Variants in KCNIP4 observed in about 807,000 individuals in gnomAD.
The protein encoded by KCNIP4 is Kv channel-interacting protein 4.
Under a neutral mutation model 34.0 loss-of-function variants are expected in KCNIP4, and 12 were observed. The ratio of observed to expected loss-of-function variants is 0.35; its 90% CI spans 0.23 to 0.57. The LOEUF is 0.57. Ranked by LOEUF, KCNIP4 falls within the 20% of genes least tolerant of loss-of-function variation. The pLI, the probability that KCNIP4 is intolerant of heterozygous loss-of-function variation, is 0.83. For synonymous variants in KCNIP4, 124 were observed against 102.2 expected (o/e 1.21, Z -1.29); for missense variants, 238 against 311.7 (o/e 0.76, Z 1.78).
chr4:21,023,682 T>C (rs1740270760), intron 1 of KCNIP4, among the ~76,000 whole-genome samples: 1 of 151,852 alleles, frequency 6.6e-6, no homozygotes, highest in African/African-American at 2.4e-5. Context: ...GGCAGGAGGA[T>C]TACTTGAGGC....
intron 3 of KCNIP4, among the ~76,000 whole-genome samples, chr4:20,849,440 A>G (rs2149481642): frequency 6.6e-6 from 1 of 152,304 alleles, no homozygotes; most frequent in East Asian, 1.9e-4. Context: ...CTGCAGTGTC[A>G]ACTACCGGTA....
At chr4:20,783,986 C>T (rs975215757) in intron 3 of KCNIP4, among the ~76,000 whole-genome samples, 1 of 152,116 alleles carries the variant, frequency 6.6e-6, no homozygotes, top group Non-Finnish European at 1.5e-5. Flanking sequence ...GGCCTGGTTC[C>T]TGCCCCTACC....
At chr4:21,381,817 A>T (rs1470575666) in intron 1 of KCNIP4, among the ~76,000 whole-genome samples, 1 of 152,130 alleles carries the variant, frequency 6.6e-6, no homozygotes, top group African/African-American at 2.4e-5. Context: ...TTCATTGAGG[A>T]GGAGTAAGTA....
chr4:21,513,027 G>GCT (rs1482310126), intron 1 of KCNIP4, among the ~76,000 whole-genome samples: 1 of 152,130 alleles, frequency 6.6e-6, no homozygotes, highest in Non-Finnish European at 1.5e-5. Flanking sequence ...GATAAATGCT[G>GCT]TTACATTGTT....
At chr4:21,186,905 G>T (rs1242677967) in intron 1 of KCNIP4, among the ~76,000 whole-genome samples, 1 of 152,262 alleles carries the variant, frequency 6.6e-6, no homozygotes. Context: ...ATCCCAAAGT[G>T]CTGGGATCAC....
intron 1 of KCNIP4, among the ~76,000 whole-genome samples, chr4:21,690,107 T>C (rs1314800727): frequency 6.8e-6 from 1 of 147,356 alleles, no homozygotes; most frequent in Non-Finnish European, 1.5e-5. Flanking sequence ...TGTATATATA[T>C]ACATATATTA....
At chr4:21,442,872 A>G (rs1449612372) in intron 1 of KCNIP4, among the ~76,000 whole-genome samples, 1 of 152,140 alleles carries the variant, frequency 6.6e-6, no homozygotes, top group Non-Finnish European at 1.5e-5. Flanking sequence ...ACTGTTCTTA[A>G]ATATCTAATA....
At chr4:21,092,855 T>C (rs1309713524) in intron 1 of KCNIP4, among the ~76,000 whole-genome samples, 1 of 152,180 alleles carries the variant, frequency 6.6e-6, no homozygotes, top group Non-Finnish European at 1.5e-5. Context: ...ACATATAATA[T>C]AATGTGAATA....
chr4:21,801,568 G>A (rs971587465), intron 1 of KCNIP4, among the ~76,000 whole-genome samples: 12 of 151,648 alleles, frequency 7.9e-5, no homozygotes, highest in African/African-American at 2.9e-4. Context: ...GGAAAATGGT[G>A]GTAAATGACA....
chr4:21,338,160 G>T (rs1271059324), intron 1 of KCNIP4, among the ~76,000 whole-genome samples: 1 of 150,850 alleles, frequency 6.6e-6, no homozygotes, highest in Non-Finnish European at 1.5e-5. Context: ...TTTAACTCGG[G>T]AGGCTGAGGC....
At chr4:21,080,542 C>A (rs1187236606) in intron 1 of KCNIP4, among the ~76,000 whole-genome samples, 1 of 151,724 alleles carries the variant, frequency 6.6e-6, no homozygotes, top group Non-Finnish European at 1.5e-5. Context: ...TAAATCAGTT[C>A]AAATGCCAAT....
chr4:21,310,267 C>G (rs1713004321), intron 1 of KCNIP4, among the ~76,000 whole-genome samples: 1 of 152,096 alleles, frequency 6.6e-6, no homozygotes, highest in Non-Finnish European at 1.5e-5. Context: ...AACTCCTGAC[C>G]TCATGTGATC....
chr4:20,919,576 A>C (rs1168186668), intron 1 of KCNIP4, among the ~76,000 whole-genome samples: 3 of 151,588 alleles, frequency 2.0e-5, no homozygotes. Context: ...GGTGGCGGGC[A>C]CCTGTAGTCC....
intron 1 of KCNIP4, among the ~76,000 whole-genome samples, chr4:21,798,984 AC>A (rs1411487690): frequency 6.6e-6 from 1 of 152,126 alleles, no homozygotes; most frequent in African/African-American, 2.4e-5. Context: ...CTATGAGCTG[AC>A]ATTTTCCTAG....
intron 1 of KCNIP4, among the ~76,000 whole-genome samples, chr4:21,032,494 G>A (rs1741110391): frequency 6.6e-6 from 1 of 152,008 alleles, no homozygotes; most frequent in Admixed American, 6.6e-5. Flanking sequence ...TTCTTTTGAG[G>A]TTGAATCTGG....
chr4:21,259,877 G>A lies in KCNIP4; in HGVS notation c.62-377168C>T, dbSNP rs530970396. 2.6e-3 allele frequency among the ~76,000 whole-genome samples: 357 copies of A among 137,428 alleles called. 1 individual carries two copies. Among genetic ancestry groups the A allele is most frequent in the Admixed American group, 7.2e-3 (90 of 12,452 alleles). The allele number at this position is 137,428 out of a possible 152,430, so 90.2% of individuals were successfully genotyped here. ...CTGCTGATTGAAAGTTTGGCAAAGC[G>A]CCCAAGACTGTGTGTGTGTGTGTGT... On this transcript the variant is annotated intron_variant, in intron 1 of 8. Coordinates refer to ENST00000382152, the MANE Select transcript of KCNIP4 (RefSeq NM_025221.6).
At chr4:21,081,136 T>C (rs1745970455) in intron 1 of KCNIP4, among the ~76,000 whole-genome samples, 1 of 151,760 alleles carries the variant, frequency 6.6e-6, no homozygotes, top group Admixed American at 6.6e-5. Context: ...GGGGACTGAA[T>C]TTTAGTACTG....
intron 1 of KCNIP4, chr4:21,718,805 T>A (rs550579275): frequency 6.6e-6 from 1 of 152,296 alleles, no homozygotes; most frequent in South Asian, 2.1e-4. Flanking sequence ...AGCCAATGGA[T>A]AAATAAGAAA....
intron 1 of KCNIP4, among the ~76,000 whole-genome samples, chr4:21,423,546 G>C (rs1725673722): frequency 6.6e-6 from 1 of 152,136 alleles, no homozygotes; most frequent in Non-Finnish European, 1.5e-5. Flanking sequence ...TTTAGGAAAG[G>C]TAACAAATTA....
Sources: allele counts gnomAD v4.1 joint callset (sites outside exome capture counted in the v4.1 genomes callset), GRCh38; gene constraint gnomAD v4.1.1; transcripts MANE v1.5; gene names NCBI Gene and HGNC (gene_info 2026-07-23, HGNC 2026-07-21).